ENTREP2: variants seen among roughly 807,000 people sequenced by gnomAD.
ENTREP2 encodes protein ENTREP2.
chr15:29,508,291 T>G, the ENTREP2 span, among the ~76,000 whole-genome samples: 1 of 152,138 alleles, frequency 6.6e-6, no homozygotes, highest in Admixed American at 6.6e-5. Context: ...CAGGACCAGA[T>G]GGATTTACAG....
chr15:29,432,437 C>T, the ENTREP2 span, among the ~76,000 whole-genome samples: 38 of 152,306 alleles, frequency 2.5e-4, no homozygotes, highest in African/African-American at 8.9e-4. Flanking sequence ...TGGGCTTAAA[C>T]GTCATCTCCT....
chr15:29,160,129 G>A, the ENTREP2 span, among the ~76,000 whole-genome samples: 1 of 152,228 alleles, frequency 6.6e-6, no homozygotes, highest in African/African-American at 2.4e-5. Flanking sequence ...CAGGTGCTAA[G>A]CCCCTCACTG....
the ENTREP2 span, among the ~76,000 whole-genome samples, chr15:29,590,701 A>AAG: frequency 1.3e-5 from 2 of 149,792 alleles, no homozygotes; most frequent in African/African-American, 2.4e-5. Context: ...AAAAAAAAAA[A>AAG]AAAGAAAAAG....
At chr15:29,138,196 C>A in the ENTREP2 span, among the ~76,000 whole-genome samples, 2 of 152,070 alleles carry the variant, frequency 1.3e-5, no homozygotes, top group Non-Finnish European at 2.9e-5. Flanking sequence ...TTCATGAGTT[C>A]CAGAACATTC....
the ENTREP2 span, among the ~76,000 whole-genome samples, chr15:29,474,959 A>G: frequency 6.6e-6 from 1 of 152,118 alleles, no homozygotes; most frequent in Non-Finnish European, 1.5e-5. Flanking sequence ...CATTTTCCCA[A>G]TGTGGAAGCA....
the ENTREP2 span, among the ~76,000 whole-genome samples, chr15:29,646,841 ACT>A: frequency 4.6e-5 from 7 of 152,104 alleles, 1 homozygote; most frequent in Non-Finnish European, 1.0e-4. Context: ...CACAAGGGCC[ACT>A]CTGTCTATCC....
At chr15:29,322,775 C>T in the ENTREP2 span, among the ~76,000 whole-genome samples, 3 of 152,226 alleles carry the variant, frequency 2.0e-5, no homozygotes, top group South Asian at 2.1e-4. Context: ...ACCCACCCTC[C>T]TTCCCTTCCT....
chr15:29,297,616 C>G, the ENTREP2 span, among the ~76,000 whole-genome samples: 1 of 152,184 alleles, frequency 6.6e-6, no homozygotes, highest in East Asian at 1.9e-4. Flanking sequence ...GAACACCAGA[C>G]TTTGGCATGC....
chr15:29,159,819 G>C, the ENTREP2 span, among the ~76,000 whole-genome samples: 3 of 152,198 alleles, frequency 2.0e-5, no homozygotes, highest in South Asian at 6.2e-4. Flanking sequence ...CCCTTAGCTA[G>C]ACATAAAGGT....
the ENTREP2 span, among the ~76,000 whole-genome samples, chr15:29,382,157 G>A: frequency 6.6e-6 from 1 of 151,954 alleles, no homozygotes; most frequent in South Asian, 2.1e-4. Flanking sequence ...AGCTACTCGG[G>A]AGGCTGAGGC....
the ENTREP2 span, among the ~76,000 whole-genome samples, chr15:29,194,329 C>A: frequency 3.9e-5 from 6 of 152,246 alleles, no homozygotes; most frequent in African/African-American, 1.4e-4. Flanking sequence ...AGCACCTAAG[C>A]CACTGCTGCC....
the ENTREP2 span, among the ~76,000 whole-genome samples, chr15:29,270,176 C>T: frequency 6.6e-6 from 1 of 151,876 alleles, no homozygotes; most frequent in Non-Finnish European, 1.5e-5. Context: ...AAAGTAAAAA[C>T]ATTTATTTCT....
the ENTREP2 span, among the ~76,000 whole-genome samples, chr15:29,155,239 G>A: frequency 3.3e-5 from 5 of 150,138 alleles, no homozygotes; most frequent in East Asian, 2.0e-4. Flanking sequence ...CCAAGATCGC[G>A]CCACTGCACT....
the ENTREP2 span, among the ~76,000 whole-genome samples, chr15:29,532,440 A>G: frequency 1.9e-4 from 29 of 152,222 alleles, no homozygotes; most frequent in African/African-American, 7.0e-4. Context: ...ATAAGCATAA[A>G]ACATGATCAT....
the ENTREP2 span, among the ~76,000 whole-genome samples, chr15:29,385,951 C>T: frequency 3.3e-5 from 5 of 151,832 alleles, no homozygotes; most frequent in African/African-American, 9.7e-5. Context: ...TGGCAGGCCA[C>T]TGACGGCGGG....
chr15:29,493,129 T>TC, the ENTREP2 span, among the ~76,000 whole-genome samples: 2 of 84,362 alleles, frequency 2.4e-5, no homozygotes, highest in African/African-American at 4.7e-5. Context: ...ACAACCCTTT[T>TC]TTTTTTTTTT....
chr15:29,202,533 T>C, the ENTREP2 span, among the ~76,000 whole-genome samples: 5 of 152,262 alleles, frequency 3.3e-5, no homozygotes, highest in South Asian at 2.1e-4. Flanking sequence ...GTTTGTTACA[T>C]AGGTATATAT....
chr15:29,541,556 G>T, the ENTREP2 span, among the ~76,000 whole-genome samples: 1 of 152,192 alleles, frequency 6.6e-6, no homozygotes, highest in Non-Finnish European at 1.5e-5. Context: ...GAAAGGGACT[G>T]CTGGGTGAGA....
At chr15:29,254,699 A>T in the ENTREP2 span, among the ~76,000 whole-genome samples, 1 of 152,172 alleles carries the variant, frequency 6.6e-6, no homozygotes, top group Admixed American at 6.5e-5. Flanking sequence ...TCTACTAAAA[A>T]TATAAAAATT....
Sources: gnomAD v4.1 joint callset for allele counts (sites outside exome capture counted in the v4.1 genomes callset) on GRCh38, gnomAD v4.1.1 for gene constraint, MANE v1.5 for transcripts, NCBI Gene and HGNC (gene_info 2026-07-23, HGNC 2026-07-21) for gene names.